ERO1B: variants seen among roughly 807,000 people sequenced by gnomAD.
ERO1B encodes endoplasmic reticulum oxidoreductase 1 beta.
ERO1B carries 49 observed loss-of-function variants against 75.3 expected under a neutral mutation model. That is an observed-to-expected ratio of 0.65 (90% CI 0.52 to 0.83). The LOEUF (loss-of-function observed/expected upper bound fraction) is 0.83, where lower values mean the gene tolerates loss of function less well. Among genes scored for constraint, ERO1B ranks in the 40% least tolerant of loss-of-function variants. The pLI is 0.00. For synonymous variants in ERO1B, 191 were observed against 192.9 expected (o/e 0.99, Z 0.08); for missense variants, 512 against 560.1 (o/e 0.91, Z 0.87).
chr1:236,261,299 T>C (rs965197287), intron 2 of ERO1B, among the ~76,000 whole-genome samples: 3 of 152,148 alleles, frequency 2.0e-5, no homozygotes, highest in Non-Finnish European at 2.9e-5. Flanking sequence ...CTGGAAGTTC[T>C]AGTCAGAGCA....
Position 236,263,778 on chromosome 1 carries a change from C to CTTTTTTTTTTTTTTTTTTTTT in ERO1B, c.222+6076_222+6096dup. ...TATATTTTTTGTTTTATTTTGTTTG[C>CTTTTTTTTTTTTTTTTTTTTT]TTTTTTTTTTTTTTTTTTTTTTTTT... On this transcript the variant is annotated intron_variant, in intron 2 of 15. Coordinates refer to ENST00000354619, the MANE Select transcript of ERO1B (RefSeq NM_019891.4). Among the ~76,000 whole-genome samples, 7 of 80,294 alleles carry CTTTTTTTTTTTTTTTTTTTTT rather than the reference C, an allele frequency of 8.7e-5. 1 individual carries two copies. The highest frequency in any genetic ancestry group is 2.9e-4 in the East Asian group (1 of 3,412). The allele number at this position is 80,294 out of a possible 152,430, so 52.7% of individuals were successfully genotyped here. A position where few individuals can be genotyped will look rare whatever the true frequency, so the allele number is the denominator to read the frequency against.
At chr1:236,271,995 T>C (rs1665600781) in intron 1 of ERO1B, among the ~76,000 whole-genome samples, 1 of 152,102 alleles carries the variant, frequency 6.6e-6, no homozygotes, top group African/African-American at 2.4e-5. Context: ...CAGAAACCTG[T>C]GTATCACCAA....
At chr1:236,236,534 AGTGG>A in intron 6 of ERO1B, 136 bp from the exon 7 acceptor site, 4 of 802,482 alleles carry the variant, frequency 5.0e-6, no homozygotes, top group Non-Finnish European at 7.5e-6. Flanking sequence ...TAAATGGTAT[AGTGG>A]TTAGTATACT....
intron 1 of ERO1B, among the ~76,000 whole-genome samples, chr1:236,273,723 C>T (rs1665647100): frequency 6.7e-6 from 1 of 149,938 alleles, no homozygotes. Flanking sequence ...GGAGGATCAC[C>T]TGAACTCAGG....
chr1:236,223,151 A>G (rs1749559), intron 13 of ERO1B, among the ~76,000 whole-genome samples: 84,254 of 148,072 alleles, frequency 0.57, 26,894 homozygotes, highest in East Asian at 0.88. Flanking sequence ...GCAGTGAGCC[A>G]AGATCGCACC....
chr1:236,222,897 T>C (rs1213283214), intron 13 of ERO1B, among the ~76,000 whole-genome samples: 1 of 152,200 alleles, frequency 6.6e-6, no homozygotes, highest in Non-Finnish European at 1.5e-5. Flanking sequence ...TGGATCCCTC[T>C]ATTTTGCTGT....
At position 236,225,104 on chromosome 1, in the gene ERO1B, A is replaced by G. The variant is rs1664247554; in HGVS notation, c.1088T>C (p.Phe363Ser). The G allele has an allele frequency of 6.2e-7, 1 of 1,613,928 alleles. No homozygotes were observed. Among genetic ancestry groups the G allele is most frequent in the Non-Finnish European group, 8.5e-7 (1 of 1,179,820 alleles). Residue 363 changes from phenylalanine (F) to serine (S), a missense_variant, in exon 13 of 16, where the codon TTT (phenylalanine) becomes TCT (serine). Coordinates refer to ENST00000354619, the MANE Select transcript of ERO1B (RefSeq NM_019891.4). ...CTTGGCCCCTTTTTTGTCACCTGCAAACATGGATTTCTCATCAAAGTGCAT... is the reference window on the plus strand; with the variant it reads ...CTTGGCCCCTTTTTTGTCACCTGCAGACATGGATTTCTCATCAAAGTGCAT... ...FPMHFDEKSM[F>S]AGDKKGAKSL...
intron 2 of ERO1B, among the ~76,000 whole-genome samples, chr1:236,255,634 A>G (rs1037435164): frequency 6.6e-6 from 1 of 152,152 alleles, no homozygotes; most frequent in Non-Finnish European, 1.5e-5. Context: ...AGGGTGATCA[A>G]CTCTGACTTT....
In ERO1B at chr1:236,253,520, C is replaced by A. The variant is rs1405497192; in HGVS notation, c.223-15G>T. On this transcript the variant is annotated splice_polypyrimidine_tract_variant and intron_variant, in intron 2 of 15. Coordinates refer to ENST00000354619, the MANE Select transcript of ERO1B (RefSeq NM_019891.4). ...TTCAGATTAACCTTGAAAGAAAGAA[C>A]AAAGTTAGTAAACTCATATTATAGT... 5.1e-6 allele frequency: 8 copies of A among 1,564,304 alleles called. No homozygotes were observed. The highest frequency in any genetic ancestry group is 7.0e-6 in the Non-Finnish European group (8 of 1,139,412).
rs766257320 is a variant in ERO1B at position 236,221,875 on chromosome 1, A to G, written c.1209+49T>C. 14 of 1,430,922 alleles carry G rather than the reference A, an allele frequency of 9.8e-6. No homozygotes were observed. In the African/African-American group the frequency reaches 1.7e-4, roughly 17 times the overall value. The allele number at this position is 1,430,922 out of a possible 1,614,324, so 88.6% of individuals were successfully genotyped here. A position where few individuals can be genotyped will look rare whatever the true frequency, so the allele number is the denominator to read the frequency against. Reference sequence around the variant, plus strand: ...TTAATAAAAAGCTTGGACTCAGTGGAAAAAATAAAGGTTAGTAATGGCTTC... The same window carrying G: ...TTAATAAAAAGCTTGGACTCAGTGGGAAAAATAAAGGTTAGTAATGGCTTC... On this transcript the variant is annotated intron_variant, in intron 14 of 15. Coordinates refer to ENST00000354619, the MANE Select transcript of ERO1B (RefSeq NM_019891.4).
intron 8 of ERO1B, among the ~76,000 whole-genome samples, chr1:236,233,784 T>C (rs925406868): frequency 6.6e-6 from 1 of 152,164 alleles, no homozygotes; most frequent in Non-Finnish European, 1.5e-5. Flanking sequence ...CTCTTTTAAA[T>C]TACTGCTCCT....
intron 1 of ERO1B, among the ~76,000 whole-genome samples, chr1:236,280,332 T>C (rs1665805226): frequency 6.6e-6 from 1 of 152,234 alleles, no homozygotes; most frequent in African/African-American, 2.4e-5. Context: ...AAAATAATTT[T>C]GCCAAAGACA....
chr1:236,242,016 C>T (rs1454235613), intron 6 of ERO1B, among the ~76,000 whole-genome samples: 1 of 150,592 alleles, frequency 6.6e-6, no homozygotes, highest in Non-Finnish European at 1.5e-5. Context: ...TGCAGTGAGC[C>T]GAGATTGTGC....
At chr1:236,236,072 C>T (rs551417960) in intron 7 of ERO1B, among the ~76,000 whole-genome samples, 3 of 152,062 alleles carry the variant, frequency 2.0e-5, no homozygotes, top group Non-Finnish European at 4.4e-5. Context: ...TTACAGGCAC[C>T]TGCCATCATG....
chr1:236,226,474 A>G lies in ERO1B; in HGVS notation c.847T>C (p.Phe283Leu). The G allele has an allele frequency of 1.2e-6, 2 of 1,614,094 alleles. No homozygotes were observed. Among genetic ancestry groups the G allele is most frequent in the Non-Finnish European group, 1.7e-6 (2 of 1,180,012 alleles). Residue 283 changes from phenylalanine to leucine, a missense_variant, in exon 12 of 16, where the codon TTC becomes CTC. By Grantham distance (22) the Phe-to-Leu change is conservative. Transcript: ENST00000354619. The stretch of plus-strand genomic sequence containing the variant: ...TCCACAGGGTCAAAGCGGTGTTTGA[A>G]TTCTTTAATATTAGGTCCCCAACTG... ...KPSWGPNIKE[F>L]KHRFDPVETK... is the part of the protein sequence containing the mutation.
At chr1:236,240,954 T>C (rs1664683048) in intron 6 of ERO1B, among the ~76,000 whole-genome samples, 1 of 151,830 alleles carries the variant, frequency 6.6e-6, no homozygotes, top group South Asian at 2.1e-4. Flanking sequence ...AGGAGAAACA[T>C]GAACAAGAAG....
intron 6 of ERO1B, among the ~76,000 whole-genome samples, chr1:236,237,555 A>G (rs1175252441): frequency 6.6e-6 from 1 of 152,222 alleles, no homozygotes; most frequent in Non-Finnish European, 1.5e-5. Flanking sequence ...TGCCTCACAC[A>G]TGTATGCTCA....
rs140847536 is a variant in ERO1B, at chr1:236,278,026, C to T, written c.102+3656G>A. 6.0e-3 allele frequency among the ~76,000 whole-genome samples: 910 copies of T among 152,266 alleles called. 12 individuals carry two copies. The highest frequency in any genetic ancestry group is 0.02 in the African/African-American group (849 of 41,554). Reference sequence around the variant, plus strand: ...TGTTTCTGTTGTCTAATATCTGATTCATGGTGCCCTGTTTCCTTGGGTGTT... The same window carrying T: ...TGTTTCTGTTGTCTAATATCTGATTTATGGTGCCCTGTTTCCTTGGGTGTT... On this transcript the variant is annotated intron_variant, in intron 1 of 15. Transcript: ENST00000354619.
At chr1:236,219,938 C>A (rs1664094762) in intron 15 of ERO1B, among the ~76,000 whole-genome samples, 1 of 149,614 alleles carries the variant, frequency 6.7e-6, no homozygotes, top group Non-Finnish European at 1.5e-5. Flanking sequence ...GTGGAAGGAA[C>A]GCCTGACCCC....
Sources: allele counts gnomAD v4.1 joint callset (sites outside exome capture counted in the v4.1 genomes callset), GRCh38; gene constraint gnomAD v4.1.1; transcripts MANE v1.5; gene names NCBI Gene and HGNC (gene_info 2026-07-23, HGNC 2026-07-21).